Variants in RBFOX1 observed in about 807,000 individuals in gnomAD.
RBFOX1 encodes the protein RNA binding protein fox-1 homolog 1.
In RBFOX1, 8 loss-of-function variants were observed where a neutral mutation model predicts 57.7. The ratio of observed to expected loss-of-function variants is 0.14; its 90% confidence interval spans 0.08 to 0.25. The LOEUF (loss-of-function observed/expected upper bound fraction) is 0.25, where lower values mean the gene tolerates loss of function less well. Ranked by LOEUF, RBFOX1 falls within the 10% of genes least tolerant of loss-of-function variation. The pLI is 1.00. For missense variants in RBFOX1, 611 were observed against 548.5 expected (o/e 1.11, Z -1.14); for synonymous variants, 326 against 222.4 (o/e 1.47, Z -4.15).
intron 4 of RBFOX1, among the ~76,000 whole-genome samples, chr16:7,064,232 G>A (rs1324841981): frequency 1.5e-5 from 2 of 135,004 alleles, no homozygotes; most frequent in Admixed American, 1.7e-4. Flanking sequence ...GCAGTGGCGT[G>A]ATCTCTGCTC....
intron 1 of RBFOX1, among the ~76,000 whole-genome samples, chr16:6,283,654 T>C (rs1729036796): frequency 6.6e-6 from 1 of 152,228 alleles, no homozygotes; most frequent in African/African-American, 2.4e-5. Context: ...CCTTTGTCCC[T>C]ACGTGCCGTT....
At chr16:7,090,243 C>A (rs187315515) in intron 4 of RBFOX1, among the ~76,000 whole-genome samples, 131 of 152,234 alleles carry the variant, frequency 8.6e-4, no homozygotes, top group Non-Finnish European at 1.3e-3. Flanking sequence ...AAATAGAATC[C>A]ATATTCAGTT....
chr16:6,644,840 C>T (rs2098520794), intron 2 of RBFOX1, among the ~76,000 whole-genome samples: 1 of 152,142 alleles, frequency 6.6e-6, no homozygotes, highest in African/African-American at 2.4e-5. Context: ...GGCCTCTGGA[C>T]CACAGTTATC....
intron 1 of RBFOX1, among the ~76,000 whole-genome samples, chr16:5,416,770 C>T (rs969824920): frequency 3.9e-5 from 6 of 151,908 alleles, no homozygotes; most frequent in African/African-American, 1.5e-4. Context: ...TTGTCTCATT[C>T]ATGCAGATAG....
At chr16:6,343,767 T>G (rs1275605368) in intron 2 of RBFOX1, among the ~76,000 whole-genome samples, 2 of 152,244 alleles carry the variant, frequency 1.3e-5, no homozygotes, top group Admixed American at 1.3e-4. Flanking sequence ...GAATCAGTCG[T>G]CTTTCTCAGT....
intron 3 of RBFOX1, among the ~76,000 whole-genome samples, chr16:5,817,950 A>G (rs1334917636): frequency 6.6e-6 from 1 of 151,946 alleles, no homozygotes; most frequent in Admixed American, 6.5e-5. Context: ...TCGGCCTCCA[A>G]AAGTGCTGGG....
intron 2 of RBFOX1, among the ~76,000 whole-genome samples, chr16:6,420,326 G>T (rs1207124491): frequency 6.7e-6 from 1 of 148,610 alleles, no homozygotes; most frequent in East Asian, 2.0e-4. Flanking sequence ...GCCTCCAGGT[G>T]GTTAGAGTGT....
intron 3 of RBFOX1, among the ~76,000 whole-genome samples, chr16:5,735,738 G>C (rs564024188): frequency 6.6e-6 from 1 of 152,082 alleles, no homozygotes; most frequent in Non-Finnish European, 1.5e-5. Context: ...TTAGCCGGGC[G>C]TGGTGGTGGG....
intron 3 of RBFOX1, among the ~76,000 whole-genome samples, chr16:6,912,925 C>A (rs1597033091): frequency 2.0e-5 from 3 of 152,186 alleles, no homozygotes; most frequent in Admixed American, 2.0e-4. Context: ...CAGCCTAGAG[C>A]TCCTTGTTTT....
rs549480075 is a variant in RBFOX1, at chr16:7,069,381, G to T, written c.27+17283G>T. Among the ~76,000 whole-genome samples the T allele has an allele frequency of 2.5e-3, 377 of 152,198 alleles. 3 individuals carry two copies. The highest frequency in any genetic ancestry group is 8.9e-3 in the African/African-American group (369 of 41,508). ...GTCTCCCCAAAGAGGCCCGGTGTGT[G>T]TGGTTCCCCTTCATGTTTCTGTGTG... is the stretch of plus-strand genomic sequence containing the variant. On this transcript the variant is annotated intron_variant, in intron 4 of 15. Transcript: ENST00000550418.
In RBFOX1 at chr16:5,392,363, C is replaced by T. The variant is rs567234855; in HGVS notation, c.220-74853C>T. On this transcript the variant is annotated intron_variant, in intron 1 of 2. Transcript: ENST00000585867. ...CAGCCTGGTGACTTCTTATTAACTT[C>T]ATCATCTGCAAAGGCCGTACTTCCA... 3.3e-5 allele frequency among the ~76,000 whole-genome samples: 5 copies of T among 152,220 alleles called. No individual in the cohort carries two copies. The East Asian group carries it at 5.8e-4, about 18-fold the overall frequency.
intron 4 of RBFOX1, among the ~76,000 whole-genome samples, chr16:7,276,830 T>C (rs192794335): frequency 2.0e-4 from 30 of 152,274 alleles, no homozygotes; most frequent in African/African-American, 7.2e-4. Context: ...AGGAAGGAGG[T>C]AATGCTGCTG....
chr16:6,975,386 C>CT (rs2086604946), intron 3 of RBFOX1, among the ~76,000 whole-genome samples: 1 of 152,148 alleles, frequency 6.6e-6, no homozygotes, highest in Admixed American at 6.6e-5. Context: ...CTGCCTCAGC[C>CT]TCCCAAGTAG....
intron 3 of RBFOX1, among the ~76,000 whole-genome samples, chr16:6,881,953 G>T (rs1472839880): frequency 2.0e-5 from 3 of 152,130 alleles, no homozygotes; most frequent in African/African-American, 7.2e-5. Context: ...AGTGTAAAAA[G>T]AAGGGAACTT....
chr16:7,646,447 A>C (rs924729370), intron 11 of RBFOX1, among the ~76,000 whole-genome samples: 2 of 152,200 alleles, frequency 1.3e-5, no homozygotes, highest in African/African-American at 4.8e-5. Flanking sequence ...TTACCCACAG[A>C]ACAATTTCAC....
At chr16:6,174,638 A>G (rs922884806) in intron 1 of RBFOX1, among the ~76,000 whole-genome samples, 1 of 152,136 alleles carries the variant, frequency 6.6e-6, no homozygotes, top group Non-Finnish European at 1.5e-5. Context: ...AAAGAAAAAT[A>G]TAAAAGTTAG....
intron 3 of RBFOX1, among the ~76,000 whole-genome samples, chr16:7,017,434 C>G (rs565305381): frequency 1.1e-4 from 17 of 152,256 alleles, no homozygotes; most frequent in African/African-American, 3.9e-4. Context: ...AATCTTGGCC[C>G]CAAACCTTAG....
chr16:7,180,357 C>G (rs1452696297), intron 4 of RBFOX1, among the ~76,000 whole-genome samples: 2 of 152,134 alleles, frequency 1.3e-5, no homozygotes, highest in South Asian at 4.2e-4. Flanking sequence ...TTACAGATAC[C>G]ACACACAAGA....
intron 3 of RBFOX1, among the ~76,000 whole-genome samples, chr16:6,827,202 G>GT (rs60748314): frequency 0.038 from 5,589 of 148,856 alleles, 178 homozygotes; most frequent in Admixed American, 0.074. Context: ...TTAGAGGTGT[G>GT]TTTTTTTTTT....
Sources: allele counts gnomAD v4.1 joint callset (sites outside exome capture counted in the v4.1 genomes callset), GRCh38; gene constraint gnomAD v4.1.1; transcripts MANE v1.5; gene names NCBI Gene and HGNC (gene_info 2026-07-23, HGNC 2026-07-21).